The following RARS2 variants were observed in gnomAD, a reference collection of about 807,000 sequenced individuals.
The protein encoded by RARS2 is arginyl-tRNA synthetase 2, mitochondrial.
Under a neutral mutation model 88.5 loss-of-function variants are expected in RARS2, and 67 were observed. The ratio of observed to expected loss-of-function variants is 0.76; its 90% CI spans 0.62 to 0.93. RARS2 has a LOEUF of 0.93. RARS2 is among the 40% of genes least tolerant of loss of function. RARS2 has a pLI of 0.00. For missense variants in RARS2, 664 were observed against 684.2 expected (o/e 0.97, Z 0.33); for synonymous variants, 239 against 230.3 (o/e 1.04, Z -0.34).
chr6:87,555,763 T>C lies in RARS2; in HGVS notation c.298-258A>G, dbSNP rs993457106. On this transcript the variant is annotated intron_variant, in intron 4 of 19. Transcript: ENST00000369536. ...TATTCATTCTTACAGTAACCAGTTA[T>C]GTAGGTATTTTACAGAGAAGGAAAC... Among the ~76,000 whole-genome samples, 3 of 152,222 alleles carry C rather than the reference T, an allele frequency of 2.0e-5. No individual in the cohort carries two copies. In the South Asian group the frequency reaches 6.2e-4, roughly 31 times the overall value.
chr6:87,514,821 G>A (rs1359926327), intron 19 of RARS2, 136 bp downstream of exon 19: 1 of 766,678 alleles, frequency 1.3e-6, no homozygotes, highest in African/African-American at 1.7e-5. Context: ...GATTGTTACA[G>A]CCTAATTATT....
chr6:87,536,126 C>A (rs1369663205), intron 8 of RARS2, among the ~76,000 whole-genome samples: 1 of 150,510 alleles, frequency 6.6e-6, no homozygotes, highest in Non-Finnish European at 1.5e-5. Flanking sequence ...AGGCAATATG[C>A]AATGAGTCAA....
In RARS2 at chr6:87,540,513, AG is replaced by A. The variant is rs1178551483; in HGVS notation, c.612+1404del. Among the ~76,000 whole-genome samples, 6 of 152,008 alleles carry A rather than the reference AG, an allele frequency of 3.9e-5. No homozygotes were observed. In the East Asian group the frequency reaches 1.2e-3, roughly 29 times the overall value. ...TCAATTTAACTGCAAAGCCAGCTGC[AG>A]GAAAAAATCACGTTAACAGGAAAAT... On this transcript the variant is annotated intron_variant, in intron 8 of 19. Transcript: ENST00000369536.
At chr6:87,541,018 T>A (rs1780765581) in intron 8 of RARS2, among the ~76,000 whole-genome samples, 1 of 152,152 alleles carries the variant, frequency 6.6e-6, no homozygotes. Context: ...GCAGTACATA[T>A]TAACTGACAG....
rs879902364 is a variant in RARS2, at chr6:87,516,978, G to A, written c.1512-98C>T. The A allele has an allele frequency of 5.8e-6, 9 of 1,541,424 alleles. No homozygotes were observed. The African/African-American group carries it at 1.1e-4, about 19-fold the overall frequency. On this transcript the variant is annotated intron_variant, in intron 17 of 19. Coordinates refer to ENST00000369536, the MANE Select transcript of RARS2 (RefSeq NM_020320.5). ...TGTGAATATAAGGTTGACTCGACAC[G>A]ATTAAGAGTAGAAGGTATGGCCAGG...
intron 1 of RARS2, among the ~76,000 whole-genome samples, chr6:87,588,338 T>C (rs1775789105): frequency 6.6e-6 from 1 of 152,202 alleles, no homozygotes. Context: ...TTATAAGAAC[T>C]TCATGAGAAA....
At chr6:87,573,245 G>T (rs1453513052) in intron 1 of RARS2, among the ~76,000 whole-genome samples, 2 of 151,996 alleles carry the variant, frequency 1.3e-5, no homozygotes, top group Non-Finnish European at 2.9e-5. Context: ...GGAGCAGGAG[G>T]AAAAGTGTGA....
intron 9 of RARS2, among the ~76,000 whole-genome samples, chr6:87,530,024 T>C (rs1776955027): frequency 6.6e-6 from 1 of 152,232 alleles, no homozygotes; most frequent in Non-Finnish European, 1.5e-5. Flanking sequence ...CAATCTATAC[T>C]GTTAAACTGG....
At position 87,559,983 on chromosome 6, in the gene RARS2, T is replaced by G. The variant is rs527459140; in HGVS notation, c.297+2719A>C. Among the ~76,000 whole-genome samples the G allele has an allele frequency of 4.6e-5, 7 of 152,378 alleles. No individual in the cohort carries two copies. The South Asian group carries it at 1.4e-3, about 32-fold the overall frequency. Reference sequence around the variant, plus strand: ...ATACAGTATTTGGTATTTTACATGATGCACAAGTTTATGGCCTAGGTCCGT... The same window carrying G: ...ATACAGTATTTGGTATTTTACATGAGGCACAAGTTTATGGCCTAGGTCCGT... On this transcript the variant is annotated intron_variant, in intron 4 of 19. Coordinates refer to ENST00000369536, the MANE Select transcript of RARS2 (RefSeq NM_020320.5).
intron 1 of RARS2, among the ~76,000 whole-genome samples, chr6:87,578,903 T>C (rs750585506): frequency 2.4e-5 from 3 of 125,780 alleles, no homozygotes; most frequent in Non-Finnish European, 4.6e-5. Context: ...GAGGTTGCAG[T>C]GAGCTGAGAT....
chr6:87,522,733 T>G (rs1186145655), intron 11 of RARS2, among the ~76,000 whole-genome samples: 1 of 152,152 alleles, frequency 6.6e-6, no homozygotes, highest in Non-Finnish European at 1.5e-5. Flanking sequence ...TCAGGTGATC[T>G]ACCCTCCTCG....
intron 5 of RARS2, among the ~76,000 whole-genome samples, chr6:87,554,525 C>T (rs549476531): frequency 6.6e-6 from 1 of 152,306 alleles, no homozygotes; most frequent in African/African-American, 2.4e-5. Context: ...ATGACAATCA[C>T]AGCTCACTGT....
chr6:87,518,751 G>A lies in RARS2; in HGVS notation c.1306-12C>T. The A allele has an allele frequency of 6.2e-7, 1 of 1,613,094 alleles. No individual in the cohort carries two copies. Among genetic ancestry groups the A allele is most frequent in the South Asian group, 1.1e-5 (1 of 91,066 alleles). On this transcript the variant is annotated splice_polypyrimidine_tract_variant and intron_variant, in intron 15 of 19. Coordinates refer to ENST00000369536, the MANE Select transcript of RARS2 (RefSeq NM_020320.5). ...AAACCTTTGAAGTCCTAAAACGACA[G>A]AGGAAATCTTCACTGCTGGGATTTG...
rs993326248 is a variant in RARS2, at chr6:87,520,155, C to G, written c.1112+25G>C. The stretch of plus-strand genomic sequence containing the variant: ...TCAGGCTCAGCTGACCCTGCACAGA[C>G]AATTAAGAACCATGCAGACATTACC... On this transcript the variant is annotated intron_variant, in intron 13 of 19. Coordinates refer to ENST00000369536, the MANE Select transcript of RARS2 (RefSeq NM_020320.5). 3.8e-6 allele frequency: 6 copies of G among 1,590,378 alleles called. No individual in the cohort carries two copies. In the African/African-American group the frequency reaches 8.1e-5, roughly 21 times the overall value.
At position 87,548,623 on chromosome 6, in the gene RARS2, A is replaced by C. The variant is rs772887102; in HGVS notation, c.419T>G (p.Phe140Cys). 64 of 1,613,180 alleles carry C rather than the reference A, an allele frequency of 4.0e-5. No homozygotes were observed. The Admixed American group carries it at 1.1e-3, about 26-fold the overall frequency. Residue 140 changes from phenylalanine to cysteine, a missense_variant, in exon 6 of 20, where the codon TTT (phenylalanine) becomes TGT (cysteine). Phe to Cys is a radical substitution (Grantham distance 205). Transcript: ENST00000369536. ...GGTAGAACGCAAATGTCCAACATGA[A>C]ATTTTTTGGCAACATTAGGTGAACT... ...EFSSPNVAKK[F>C]HVGHLRSTII...
chr6:87,581,253 C>T (rs1397490799), intron 1 of RARS2, among the ~76,000 whole-genome samples: 1 of 152,122 alleles, frequency 6.6e-6, no homozygotes, highest in African/African-American at 2.4e-5. Flanking sequence ...ATATCTTTAG[C>T]AACCAGACAT....
chr6:87,556,112 A>G (rs1785798382), intron 4 of RARS2, among the ~76,000 whole-genome samples: 1 of 152,200 alleles, frequency 6.6e-6, no homozygotes, highest in Admixed American at 6.5e-5. Context: ...AAAAATGTAT[A>G]ATGCCTATTG....
chr6:87,553,877 A>C (rs1219052531), intron 5 of RARS2, among the ~76,000 whole-genome samples: 1 of 152,218 alleles, frequency 6.6e-6, no homozygotes, highest in African/African-American at 2.4e-5. Flanking sequence ...TAGGAGTAGA[A>C]GCTTAATCAG....
rs746831967 is a variant in RARS2, at chr6:87,519,697, C to T, written c.1123G>A (p.Val375Met). ...ATTCCCTGTACTACTCCAAAGGGCA[C>T]GTGCTGGCACCTAAAAGAGTGGGCA... is the stretch of plus-strand genomic sequence containing the variant. ...GYDWAERCQH[V>M]PFGVVQGMKT... Residue 375 changes from valine (V) to methionine (M), a missense_variant, in exon 14 of 20, where the codon GTG becomes ATG. By Grantham distance (21) the Val-to-Met change is conservative (BLOSUM62 1). Coordinates refer to ENST00000369536, the MANE Select transcript of RARS2 (RefSeq NM_020320.5). The T allele has an allele frequency of 1.3e-4, 202 of 1,613,876 alleles. No homozygotes were observed. The highest frequency in any genetic ancestry group is 2.5e-4 in the South Asian group (23 of 91,086).
Sources: gnomAD v4.1 joint callset for allele counts (sites outside exome capture counted in the v4.1 genomes callset) on GRCh38, gnomAD v4.1.1 for gene constraint, MANE v1.5 for transcripts, NCBI Gene and HGNC (gene_info 2026-07-23, HGNC 2026-07-21) for gene names.